ACVR2A: variants seen among roughly 807,000 people sequenced by gnomAD.
The protein encoded by ACVR2A is activin A receptor type 2A.
ACVR2A carries 7 observed loss-of-function variants against 61.4 expected under a neutral mutation model. That is an observed-to-expected ratio of 0.11 (90% CI 0.06 to 0.21). ACVR2A has a LOEUF of 0.21. Ranked by LOEUF, ACVR2A falls within the 10% of genes least tolerant of loss-of-function variation. ACVR2A has a pLI of 1.00. For missense variants in ACVR2A, 322 were observed against 621.7 expected, an observed-to-expected ratio of 0.52 and a Z score of 5.13; for synonymous variants, 193 against 208.3, an observed-to-expected ratio of 0.93 and a Z score of 0.63.
At chr2:147,904,377 A>T (rs760601872) in intron 4 of ACVR2A, among the ~76,000 whole-genome samples, 7 of 152,088 alleles carry the variant, frequency 4.6e-5, no homozygotes, top group Middle Eastern at 6.8e-3. Flanking sequence ...CCTGCTTATA[A>T]GATCTATATT....
intron 1 of ACVR2A, among the ~76,000 whole-genome samples, chr2:147,887,705 C>A (rs1269612060): frequency 6.6e-6 from 1 of 151,980 alleles, no homozygotes; most frequent in African/African-American, 2.4e-5. Flanking sequence ...TATCTATTAC[C>A]TCACATATGC....
chr2:147,853,243 CATG>C (rs1209281242), intron 1 of ACVR2A, among the ~76,000 whole-genome samples: 2 of 152,022 alleles, frequency 1.3e-5, no homozygotes, highest in African/African-American at 4.8e-5. Flanking sequence ...CATAATAAAA[CATG>C]ATAACGTAAT....
intron 1 of ACVR2A, among the ~76,000 whole-genome samples, chr2:147,885,559 A>G (rs1201841702): frequency 6.6e-6 from 1 of 152,154 alleles, no homozygotes; most frequent in Non-Finnish European, 1.5e-5. Flanking sequence ...CTGTAGCACA[A>G]TTAAAAAACC....
chr2:147,914,528 CCAGT>C lies in ACVR2A; in HGVS notation c.529-654_529-651del, dbSNP rs556755554. On this transcript the variant is annotated intron_variant, in intron 4 of 10. Transcript: ENST00000241416. Reference sequence around the variant, plus strand: ...CTGGATTTTTATTCGTACTTCTTTGCCAGTCAGTCAGTTCCAGAACACAAATGAT... The same window carrying C: ...CTGGATTTTTATTCGTACTTCTTTGCCAGTCAGTTCCAGAACACAAATGAT... 3.2e-4 allele frequency among the ~76,000 whole-genome samples: 48 copies of C among 151,992 alleles called. No homozygotes were observed. The Middle Eastern group carries it at 0.017, about 54-fold the overall frequency.
intron 1 of ACVR2A, among the ~76,000 whole-genome samples, chr2:147,881,458 A>ACTGAT (rs1686296058): frequency 6.6e-6 from 1 of 151,950 alleles, no homozygotes; most frequent in Non-Finnish European, 1.5e-5. Context: ...CCTGTACATC[A>ACTGAT]GTGTGTCTGT....
At chr2:147,894,101 C>T (rs996216649) in intron 1 of ACVR2A, among the ~76,000 whole-genome samples, 8 of 152,044 alleles carry the variant, frequency 5.3e-5, no homozygotes, top group African/African-American at 1.7e-4. Context: ...TTCAATTGCT[C>T]CAGCATCTGT....
intron 4 of ACVR2A, among the ~76,000 whole-genome samples, chr2:147,903,646 TC>T (rs1326308518): frequency 6.6e-6 from 1 of 151,960 alleles, no homozygotes; most frequent in Non-Finnish European, 1.5e-5. Context: ...GGTACTTTCT[TC>T]CCATTACACC....
intron 4 of ACVR2A, among the ~76,000 whole-genome samples, chr2:147,909,596 T>C (rs1687068185): frequency 6.6e-6 from 1 of 152,130 alleles, no homozygotes; most frequent in Admixed American, 6.6e-5. Context: ...CAGAGTTTTG[T>C]TTGCTTTTTG....
chr2:147,925,818 A>AT, intron 9 of ACVR2A: 1 of 472,856 alleles, frequency 2.1e-6, no homozygotes, highest in Admixed American at 3.7e-5. Flanking sequence ...CTTTAAGGGA[A>AT]TTACATGCCA....
chr2:147,845,300 G>C lies in ACVR2A; in HGVS notation c.55+93G>C, dbSNP rs928422343. On this transcript the variant is annotated intron_variant, in intron 1 of 10. Transcript: ENST00000241416. The stretch of plus-strand genomic sequence containing the variant: ...GGCTGGTGTTGAGTCGGAGAGTCCA[G>C]TGGAGCCTGGGGAGGTTGCCCACTC... The C allele has an allele frequency of 9.8e-6, 12 of 1,218,948 alleles. No individual in the cohort carries two copies. In the African/African-American group the frequency reaches 1.4e-4, roughly 14 times the overall value. The allele number at this position is 1,218,948 out of a possible 1,614,324, so 75.5% of individuals were successfully genotyped here. A position where few individuals can be genotyped will look rare whatever the true frequency, so the allele number is the denominator to read the frequency against.
chr2:147,894,013 A>G (rs1262255966), intron 1 of ACVR2A, among the ~76,000 whole-genome samples: 3 of 151,992 alleles, frequency 2.0e-5, no homozygotes, highest in Non-Finnish European at 4.4e-5. Flanking sequence ...TAGGTCTATG[A>G]TATGTTTAGA....
At position 147,859,669 on chromosome 2, in the gene ACVR2A, C is replaced by G. The variant is rs543995137; in HGVS notation, c.55+14462C>G. Among the ~76,000 whole-genome samples, 12 of 151,964 alleles carry G rather than the reference C, an allele frequency of 7.9e-5. No individual in the cohort carries two copies. In the South Asian group the frequency reaches 2.5e-3, roughly 32 times the overall value. ...TGTTCCAAGGGTTTGGGGTACTGAT[C>G]CTGAGTTTTTTTGTTTGTTTGTTTT... is the stretch of plus-strand genomic sequence containing the variant. On this transcript the variant is annotated intron_variant, in intron 1 of 10. Transcript: ENST00000241416.
At chr2:147,865,447 A>G (rs988679136) in intron 1 of ACVR2A, among the ~76,000 whole-genome samples, 3 of 152,074 alleles carry the variant, frequency 2.0e-5, no homozygotes, top group African/African-American at 7.2e-5. Context: ...GTTTGACGCT[A>G]TTGTCTGCCT....
intron 1 of ACVR2A, among the ~76,000 whole-genome samples, chr2:147,854,307 C>T (rs192542750): frequency 6.7e-4 from 102 of 152,286 alleles, no homozygotes; most frequent in African/African-American, 2.1e-3. Context: ...ACTAAATCGT[C>T]TCTATTTATT....
At position 147,930,090 on chromosome 2, in the gene ACVR2A, A is replaced by G. The variant is rs1687631691; in HGVS notation, c.*2816A>G. On this transcript the variant is annotated 3_prime_UTR_variant, in exon 11 of 11. Coordinates refer to ENST00000241416, the MANE Select transcript of ACVR2A (RefSeq NM_001616.5). The stretch of plus-strand genomic sequence containing the variant: ...TCTAGGTACCTTGTGAATTCCAGAA[A>G]AAGAGACTGTGCTTCACGATTGTTA... 1 of 152,480 alleles carries G rather than the reference A, an allele frequency of 6.6e-6. No individual in the cohort carries two copies. Among genetic ancestry groups the G allele is most frequent in the Admixed American group, 6.6e-5 (1 of 15,216 alleles). The allele number at this position is 152,480 out of a possible 1,614,324, so 9.4% of individuals were successfully genotyped here. A position where few individuals can be genotyped will look rare whatever the true frequency, so the allele number is the denominator to read the frequency against.
chr2:147,852,066 G>A (rs1685462552), intron 1 of ACVR2A, among the ~76,000 whole-genome samples: 6 of 151,900 alleles, frequency 3.9e-5, no homozygotes, highest in Admixed American at 3.9e-4. Context: ...ATATCTTTAA[G>A]TTATGTTCAA....
intron 1 of ACVR2A, among the ~76,000 whole-genome samples, chr2:147,859,497 A>G (rs1468773307): frequency 6.6e-6 from 1 of 152,004 alleles, no homozygotes; most frequent in East Asian, 1.9e-4. Flanking sequence ...GACAAAAAAA[A>G]AAAAAAGAAA....
chr2:147,852,600 C>T (rs969909307), intron 1 of ACVR2A, among the ~76,000 whole-genome samples: 1 of 152,068 alleles, frequency 6.6e-6, no homozygotes, highest in Non-Finnish European at 1.5e-5. Flanking sequence ...GAACATGGCT[C>T]TTCCCTGATT....
intron 1 of ACVR2A, among the ~76,000 whole-genome samples, chr2:147,883,247 A>G (rs546492554): frequency 9.8e-4 from 149 of 152,202 alleles, no homozygotes; most frequent in Admixed American, 1.5e-3. Flanking sequence ...CTGGAGTGCA[A>G]TGGCACGATC....
Sources: gnomAD v4.1 joint callset for allele counts (sites outside exome capture counted in the v4.1 genomes callset) on GRCh38, gnomAD v4.1.1 for gene constraint, MANE v1.5 for transcripts, NCBI Gene and HGNC (gene_info 2026-07-23, HGNC 2026-07-21) for gene names.